GK5: variants seen among roughly 807,000 people sequenced by gnomAD.
GK5 encodes ATP:glycerol 3-phosphotransferase 5.
GK5 carries 39 observed loss-of-function variants against 77.3 expected under a neutral mutation model. The observed-to-expected ratio is 0.50, with a 90% CI of 0.39 to 0.66. GK5 has a LOEUF of 0.66. Ranked by LOEUF, GK5 falls within the 30% of genes least tolerant of loss-of-function variation. GK5 has a pLI of 0.00. For synonymous variants in GK5, 211 were observed against 208.0 expected, an observed-to-expected ratio of 1.01 and a Z score of -0.13; for missense variants, 487 against 633.8, an observed-to-expected ratio of 0.77 and a Z score of 2.49.
chr3:142,188,685 G>T (rs534112054), intron 5 of GK5, among the ~76,000 whole-genome samples: 67 of 152,338 alleles, frequency 4.4e-4, no homozygotes, highest in Non-Finnish European at 2.4e-4. Context: ...TGTGACACAT[G>T]AAAATTATAT....
At chr3:142,215,205 CA>C (rs910467261) in intron 2 of GK5, among the ~76,000 whole-genome samples, 16 of 152,144 alleles carry the variant, frequency 1.1e-4, no homozygotes, top group Admixed American at 5.2e-4. Context: ...CAGAAAAAAA[CA>C]AATAAAAACT....
At chr3:142,166,690 C>T (rs533858108) in intron 15 of GK5, among the ~76,000 whole-genome samples, 2 of 152,252 alleles carry the variant, frequency 1.3e-5, no homozygotes, top group South Asian at 2.1e-4. Context: ...CGTGCCACCA[C>T]GCCCGGCTAA....
In GK5 at chr3:142,158,135, T is replaced by G. The variant is rs1247268168; in HGVS notation, c.*7487A>C. The G allele has an allele frequency of 6.6e-6, 1 of 152,296 alleles. No individual in the cohort carries two copies. The highest frequency in any genetic ancestry group is 1.5e-5 in the Non-Finnish European group (1 of 68,202). 9.4% of individuals were successfully genotyped at this position (152,296 alleles called of 1,614,324 possible). The stretch of plus-strand genomic sequence containing the variant: ...CCTGGCTAATTTTTTGTATTTTTAG[T>G]AGAGACAGGGTTTCACCATGTTAGC... On this transcript the variant is annotated 3_prime_UTR_variant, in exon 16 of 16. Coordinates refer to ENST00000392993, the MANE Select transcript of GK5 (RefSeq NM_001039547.3).
chr3:142,213,567 A>C lies in GK5; in HGVS notation c.276T>G (p.Leu92=), dbSNP rs1318936238. The C allele has an allele frequency of 6.2e-7, 1 of 1,612,684 alleles. No individual in the cohort carries two copies. Among genetic ancestry groups the C allele is most frequent in the Non-Finnish European group, 8.5e-7 (1 of 1,178,694 alleles). The change falls in exon 3 of 16, where the codon CTT becomes CTG. Residue 92 remains leucine (L), a synonymous_variant. Coordinates refer to ENST00000392993, the MANE Select transcript of GK5 (RefSeq NM_001039547.3). ...AGIQMNQIVG[L]GISTQRATFI... The stretch of plus-strand genomic sequence containing the variant: ...AAGTTGCTCTCTGTGTTGAAATGCC[A>C]AGACCAACAATTTGATTCATCTGTA...
intron 11 of GK5, among the ~76,000 whole-genome samples, chr3:142,181,125 T>C (rs1489257820): frequency 1.3e-5 from 2 of 152,230 alleles, no homozygotes; most frequent in African/African-American, 4.8e-5. Flanking sequence ...CTTCGGTCCT[T>C]TGCCCATTTT....
At chr3:142,220,754 T>C (rs909620912) in intron 1 of GK5, among the ~76,000 whole-genome samples, 1 of 152,192 alleles carries the variant, frequency 6.6e-6, no homozygotes, top group Non-Finnish European at 1.5e-5. Context: ...TGAATGAACA[T>C]ATGAGTGAAC....
chr3:142,220,654 C>G (rs2064332197), intron 1 of GK5, among the ~76,000 whole-genome samples: 1 of 152,156 alleles, frequency 6.6e-6, no homozygotes, highest in Non-Finnish European at 1.5e-5. Flanking sequence ...TCCTAGAGGG[C>G]AGGGAATGTG....
rs940029636 is a variant in GK5 at position 142,185,085 on chromosome 3, C to G, written c.816+844G>C. 9 of 985,242 alleles carry G rather than the reference C, an allele frequency of 9.1e-6. No homozygotes were observed. In the African/African-American group the frequency reaches 1.4e-4, roughly 15 times the overall value. The allele number at this position is 985,242 out of a possible 1,614,324, so 61.0% of individuals were successfully genotyped here. Reference sequence around the variant, plus strand: ...TCTCTACCTCCTGCTTAAGCTGCCACAGGAAATCAAAGGCAATGTGAAAGG... The same window carrying G: ...TCTCTACCTCCTGCTTAAGCTGCCAGAGGAAATCAAAGGCAATGTGAAAGG... On this transcript the variant is annotated intron_variant, in intron 9 of 15. Transcript: ENST00000392993.
rs1220767939 is a variant in GK5, at chr3:142,215,665, A to C, written c.175T>G (p.Trp59Gly). 15 of 1,589,990 alleles carry C rather than the reference A, an allele frequency of 9.4e-6. No individual in the cohort carries two copies. The highest frequency in any genetic ancestry group is 1.2e-5 in the Non-Finnish European group (14 of 1,161,058). Residue 59 changes from tryptophan to glycine, a missense_variant, in exon 2 of 16, where the codon TGG becomes GGG. Physicochemically the swap from Trp to Gly is radical, Grantham distance 184 (BLOSUM62 -2). This residue lies in a region of GK5 where 97 missense variants were observed against 86.9 expected (regional missense o/e 1.12). Transcript: ENST00000392993. The stretch of plus-strand genomic sequence containing the variant: ...AGAACATCAGGATCAATTTCTACCC[A>C]GCCAATTTGAGGATAAAGATTTTCT... Reference protein sequence around the residue: ...KVENLYPQIGWVEIDPDVLWI... With the variant: ...KVENLYPQIGGVEIDPDVLWI...
intron 5 of GK5, among the ~76,000 whole-genome samples, chr3:142,189,158 T>C (rs1270019460): frequency 1.7e-4 from 26 of 152,152 alleles, no homozygotes; most frequent in East Asian, 1.9e-4. Flanking sequence ...AGGGACAAGA[T>C]TGCATTTATA....
intron 6 of GK5, among the ~76,000 whole-genome samples, chr3:142,187,275 A>T (rs2063785860): frequency 6.6e-6 from 1 of 151,884 alleles, no homozygotes; most frequent in African/African-American, 2.4e-5. Context: ...GGTACCAAAG[A>T]GCAGTATGTC....
At chr3:142,205,644 G>A (rs377544555) in intron 3 of GK5, among the ~76,000 whole-genome samples, 17 of 152,038 alleles carry the variant, frequency 1.1e-4, no homozygotes, top group African/African-American at 3.9e-4. Flanking sequence ...CTTTTCTTCC[G>A]ACCAACCACT....
At chr3:142,181,425 G>A (rs374184214) in intron 11 of GK5, 36 bp downstream of exon 11, 2 of 1,276,814 alleles carry the variant, frequency 1.6e-6, no homozygotes, top group Non-Finnish European at 2.3e-6. Context: ...AATTCTTTAG[G>A]TCTGGCTTGT....
chr3:142,222,245 C>A (rs2064358945), intron 1 of GK5, among the ~76,000 whole-genome samples: 1 of 152,178 alleles, frequency 6.6e-6, no homozygotes, highest in Non-Finnish European at 1.5e-5. Flanking sequence ...CAGTAAAGGA[C>A]CAGTTGCTAA....
Position 142,172,399 on chromosome 3 carries a change from T to A in GK5, c.1201A>T (p.Ser401Cys). The change falls in exon 13 of 16, where the codon AGT (serine) becomes TGT (cysteine). Residue 401 changes from serine to cysteine, a missense_variant. Ser to Cys is a moderately radical substitution (Grantham distance 112). Transcript: ENST00000392993. ...ASFMGLKPST[S>C]KYHLVRAILE... ...ATTGCTCGTACAAGATGGTATTTAC[T>A]GGTAGAAGGCTTCAAACCCATAAAA... is the stretch of plus-strand genomic sequence containing the variant. 6.2e-7 allele frequency: 1 copy of A among 1,606,060 alleles called. No homozygotes were observed. Among genetic ancestry groups the A allele is most frequent in the Non-Finnish European group, 8.5e-7 (1 of 1,174,790 alleles).
At chr3:142,212,982 T>C (rs1168111194) in intron 3 of GK5, among the ~76,000 whole-genome samples, 14 of 151,478 alleles carry the variant, frequency 9.2e-5, no homozygotes, top group South Asian at 4.2e-4. Flanking sequence ...CTACAGGCGC[T>C]CGCCACCTCG....
Position 142,225,465 on chromosome 3 carries a change from G to A in GK5, c.-10C>T. 3 of 1,599,468 alleles carry A rather than the reference G, an allele frequency of 1.9e-6. No homozygotes were observed. Among genetic ancestry groups the A allele is most frequent in the Non-Finnish European group, 8.5e-7 (1 of 1,177,496 alleles). ...TGAGCAGCCCCGACATCCCGATCCC[G>A]CACGCCTCTCCGCTACAGCCGCCTA... On this transcript the variant is annotated 5_prime_UTR_variant, in exon 1 of 16. Coordinates refer to ENST00000392993, the MANE Select transcript of GK5 (RefSeq NM_001039547.3).
rs576009600 is a variant in GK5 at position 142,172,509 on chromosome 3, G to T, written c.1144-53C>A. On this transcript the variant is annotated intron_variant, in intron 12 of 15. Transcript: ENST00000392993. ...TATTATTATTCTAAATTACATCTAC[G>T]GACTTGAGGAAATACTATACAACAA... The T allele has an allele frequency of 3.1e-6, 3 of 954,158 alleles. No homozygotes were observed. In the Admixed American group the frequency reaches 6.0e-5, roughly 19 times the overall value. The allele number at this position is 954,158 out of a possible 1,614,324, so 59.1% of individuals were successfully genotyped here.
Position 142,170,369 on chromosome 3 carries a change from T to C in GK5, c.1397A>G (p.Asp466Gly), listed in dbSNP as rs1009359846. 1 of 1,613,786 alleles carries C rather than the reference T, an allele frequency of 6.2e-7. No individual in the cohort carries two copies. Among genetic ancestry groups the C allele is most frequent in the Non-Finnish European group, 8.5e-7 (1 of 1,179,846 alleles). ...AGAAGCTGCACCCAGGCATGACATG[T>C]CAATGTCGGCAGGTCTGTCTATATT... Reference protein sequence around the residue: ...NENIDRPADIDMSCLGAASLA... With the variant: ...NENIDRPADIGMSCLGAASLA... Residue 466 changes from aspartate (D) to glycine (G), a missense_variant, in exon 15 of 16, where the codon GAC becomes GGC. Physicochemically the swap from Asp to Gly is moderately conservative, Grantham distance 94. Around this residue, in one of 4 missense-constraint regions of GK5, gnomAD observed 65 missense variants for 89.9 expected, o/e 0.72. Coordinates refer to ENST00000392993, the MANE Select transcript of GK5 (RefSeq NM_001039547.3).
Sources: allele counts gnomAD v4.1 joint callset (sites outside exome capture counted in the v4.1 genomes callset), GRCh38; gene constraint gnomAD v4.1.1; regional missense constraint gnomAD v4.1.1; transcripts MANE v1.5; gene names NCBI Gene and HGNC (gene_info 2026-07-23, HGNC 2026-07-21).